Variants in MAGI2 observed in about 807,000 individuals in gnomAD.
MAGI2 encodes membrane-associated guanylate kinase, WW and PDZ domain-containing protein 2.
Under a neutral mutation model 133.3 loss-of-function variants are expected in MAGI2, and 35 were observed. The observed-to-expected ratio is 0.26, with a 90% CI of 0.20 to 0.35. MAGI2 has a LOEUF of 0.35. MAGI2 is among the 10% of genes least tolerant of loss of function. The probability of loss-of-function intolerance (pLI) is 1.00; values close to 1 mark genes in which losing one functional copy is unlikely to be tolerated. For missense variants in MAGI2, 1,636 were observed against 1,863.4 expected (o/e 0.88, Z 2.25); for synonymous variants, 729 against 710.6 (o/e 1.03, Z -0.41).
intron 1 of MAGI2, among the ~76,000 whole-genome samples, chr7:79,129,364 T>G (rs561119709): frequency 6.6e-6 from 1 of 152,368 alleles, no homozygotes; most frequent in Non-Finnish European, 1.5e-5. Flanking sequence ...AGTTGAATCC[T>G]CATAAATTGG....
chr7:79,086,680 T>G (rs1221917808), intron 1 of MAGI2, among the ~76,000 whole-genome samples: 2 of 151,904 alleles, frequency 1.3e-5, no homozygotes, highest in East Asian at 1.9e-4. Flanking sequence ...GTTGTTGTTT[T>G]CTAAATTTAT....
At chr7:78,812,607 T>C (rs938985013) in intron 2 of MAGI2, among the ~76,000 whole-genome samples, 8 of 152,146 alleles carry the variant, frequency 5.3e-5, no homozygotes, top group African/African-American at 1.9e-4. Context: ...TGTGTGTGTG[T>C]GTGTGTGTAC....
At chr7:78,986,532 G>T (rs1015065080) in intron 2 of MAGI2, among the ~76,000 whole-genome samples, 3 of 151,734 alleles carry the variant, frequency 2.0e-5, no homozygotes, top group Non-Finnish European at 4.4e-5. Context: ...AGAAAACTAT[G>T]ATTGTACAAT....
At chr7:78,316,943 A>G (rs956510645) in intron 9 of MAGI2, among the ~76,000 whole-genome samples, 13 of 152,086 alleles carry the variant, frequency 8.5e-5, no homozygotes, top group Admixed American at 5.9e-4. Flanking sequence ...CCCTTGCTTC[A>G]CCCGTGATTC....
At chr7:79,002,233 G>C (rs1051136099) in intron 2 of MAGI2, among the ~76,000 whole-genome samples, 5 of 151,182 alleles carry the variant, frequency 3.3e-5, no homozygotes, top group African/African-American at 9.7e-5. Flanking sequence ...CCGAGCTCAA[G>C]TGATCCTCAC....
intron 6 of MAGI2, among the ~76,000 whole-genome samples, chr7:78,432,303 T>C (rs1161192173): frequency 6.6e-6 from 1 of 152,034 alleles, no homozygotes; most frequent in African/African-American, 2.4e-5. Flanking sequence ...AATTAATTGA[T>C]GTTATTAACT....
rs376540756 is a variant in MAGI2, at chr7:78,889,272, C to T, written c.418+117818G>A. Among the ~76,000 whole-genome samples the T allele has an allele frequency of 3.0e-3, 461 of 152,218 alleles. 3 individuals carry two copies. The highest frequency in any genetic ancestry group is 0.011 in the African/African-American group (439 of 41,522). ...GTCTGATTGGTGTACCTGAAAGTGA[C>T]GAGGAGAATGGAAACAAGTTGGAAA... On this transcript the variant is annotated intron_variant, in intron 2 of 21. Coordinates refer to ENST00000354212, the MANE Select transcript of MAGI2 (RefSeq NM_012301.4).
intron 1 of MAGI2, among the ~76,000 whole-genome samples, chr7:79,110,163 C>T (rs1033480373): frequency 1.3e-5 from 2 of 151,626 alleles, no homozygotes; most frequent in South Asian, 2.1e-4. Context: ...CATGGAAAAG[C>T]CTGGGTGCCC....
At chr7:78,170,492 C>G (rs548869799) in intron 14 of MAGI2, 17 of 152,172 alleles carry the variant, frequency 1.1e-4, no homozygotes, top group Non-Finnish European at 2.1e-4. Flanking sequence ...GCCCAGGATA[C>G]TTTTAGGTGC....
chr7:79,193,782 TG>T (rs1211741906), intron 1 of MAGI2, among the ~76,000 whole-genome samples: 1 of 151,720 alleles, frequency 6.6e-6, no homozygotes, highest in Non-Finnish European at 1.5e-5. Flanking sequence ...ACTGGGAAAA[TG>T]GCTGCATTTT....
intron 2 of MAGI2, among the ~76,000 whole-genome samples, chr7:78,728,179 G>A (rs1023069950): frequency 1.3e-5 from 2 of 152,102 alleles, no homozygotes; most frequent in African/African-American, 2.4e-5. Context: ...CATTCCCTGC[G>A]AGGTTATGGT....
intron 1 of MAGI2, among the ~76,000 whole-genome samples, chr7:79,047,663 T>C (rs1812304413): frequency 6.6e-6 from 1 of 152,172 alleles, no homozygotes; most frequent in Non-Finnish European, 1.5e-5. Flanking sequence ...AATATATATG[T>C]ATATGAAGGT....
intron 3 of MAGI2, among the ~76,000 whole-genome samples, chr7:78,557,097 A>AAAAAAAAAAAAAGAAAG (rs1554473311): frequency 6.5e-5 from 9 of 138,992 alleles, no homozygotes; most frequent in Middle Eastern, 3.7e-3. Flanking sequence ...AAAAAAAAAA[A>AAAAAAAAAAAAAGAAAG]AAAGAAAAAG....
chr7:79,328,113 C>T (rs1215237474), intron 1 of MAGI2, among the ~76,000 whole-genome samples: 3 of 152,104 alleles, frequency 2.0e-5, no homozygotes, highest in Admixed American at 1.3e-4. Context: ...ATCTTTATTT[C>T]AATTTCTATA....
At chr7:78,984,193 G>T (rs976438307) in intron 2 of MAGI2, among the ~76,000 whole-genome samples, 2 of 151,846 alleles carry the variant, frequency 1.3e-5, no homozygotes, top group African/African-American at 4.8e-5. Context: ...CTCCACTGTT[G>T]CCCCTTGGTG....
At chr7:78,332,082 C>G (rs1255723795) in intron 9 of MAGI2, among the ~76,000 whole-genome samples, 2 of 152,088 alleles carry the variant, frequency 1.3e-5, no homozygotes, top group Non-Finnish European at 2.9e-5. Context: ...GTTCTTAATC[C>G]TGCAGCAGAG....
At chr7:78,981,174 TTTA>T (rs1258163901) in intron 2 of MAGI2, among the ~76,000 whole-genome samples, 1 of 151,250 alleles carries the variant, frequency 6.6e-6, no homozygotes. Flanking sequence ...AAGAATTATA[TTTA>T]TTATTATTAT....
intron 1 of MAGI2, among the ~76,000 whole-genome samples, chr7:79,136,068 GGAAAGAAAGAAAGAAAGAAAGAAA>G (rs368094018): frequency 1.3e-3 from 120 of 94,654 alleles, no homozygotes; most frequent in African/African-American, 3.5e-3. Flanking sequence ...AAAGAAAGAA[GGAAAGAAAGAAAGAAAGAAAGAAA>G]GAAAGAAAGA....
chr7:79,179,776 A>C (rs908160037), intron 1 of MAGI2, among the ~76,000 whole-genome samples: 2 of 152,026 alleles, frequency 1.3e-5, no homozygotes, highest in African/African-American at 4.8e-5. Flanking sequence ...CAATCAACTC[A>C]AGGCGGATTA....
Sources: allele counts gnomAD v4.1 joint callset (sites outside exome capture counted in the v4.1 genomes callset), GRCh38; gene constraint gnomAD v4.1.1; transcripts MANE v1.5; gene names NCBI Gene and HGNC (gene_info 2026-07-23, HGNC 2026-07-21).